Variants in CFAP54 observed in about 807,000 individuals in gnomAD.
CFAP54 encodes cilia and flagella associated protein 54.
In CFAP54, 290 loss-of-function variants were observed where a neutral mutation model predicts 370.4. That is an observed-to-expected ratio of 0.78 (90% CI 0.71 to 0.86). The LOEUF is 0.86. Ranked by LOEUF, CFAP54 falls within the 40% of genes least tolerant of loss-of-function variation. CFAP54 has a pLI of 0.00. For synonymous variants in CFAP54, 1,206 were observed against 1,236.5 expected, an observed-to-expected ratio of 0.98 and a Z score of 0.52; for missense variants, 3,399 against 3,528.7, an observed-to-expected ratio of 0.96 and a Z score of 0.93.
chr12:96,789,121 G>A (rs1226684462), intron 62 of CFAP54, among the ~76,000 whole-genome samples: 2 of 152,202 alleles, frequency 1.3e-5, no homozygotes, highest in Non-Finnish European at 2.9e-5. Flanking sequence ...ATATTATTGG[G>A]TCATTTCAGG....
intron 67 of CFAP54, among the ~76,000 whole-genome samples, chr12:96,871,510 A>T (rs1960166044): frequency 1.3e-5 from 2 of 152,258 alleles, no homozygotes; most frequent in South Asian, 4.1e-4. Context: ...ATAATTAAAA[A>T]TTACTTTATA....
At chr12:96,550,774 A>G (rs560021327) in intron 15 of CFAP54, among the ~76,000 whole-genome samples, 1 of 152,300 alleles carries the variant, frequency 6.6e-6, no homozygotes, top group Admixed American at 6.5e-5. Flanking sequence ...AAGGGAACTG[A>G]AAACTAGCAT....
chr12:96,729,038 G>A (rs577173681), intron 50 of CFAP54, among the ~76,000 whole-genome samples: 1 of 152,284 alleles, frequency 6.6e-6, no homozygotes, highest in Non-Finnish European at 1.5e-5. Flanking sequence ...TCTTCTGGAA[G>A]TTTTGTCTCA....
chr12:96,569,589 G>T (rs550583599), intron 19 of CFAP54, among the ~76,000 whole-genome samples: 19 of 152,244 alleles, frequency 1.2e-4, no homozygotes, highest in Admixed American at 3.3e-4. Flanking sequence ...AAACCCAGTT[G>T]TTTCATCTGG....
chr12:96,576,738 G>T lies in CFAP54; in HGVS notation c.2773G>T (p.Ala925Ser). 6.5e-7 allele frequency: 1 copy of T among 1,535,002 alleles called. No homozygotes were observed. Among genetic ancestry groups the T allele is most frequent in the Non-Finnish European group, 8.7e-7 (1 of 1,146,434 alleles). ...RTHCSVTLKP[A>S]PFTSEVKVSW... ...TCATTGTTCTGTGACACTCAAACCT[G>T]CTCCATTTACTTCAGAGGTTAAGGT... Residue 925 changes from alanine (A) to serine (S), a missense_variant, in exon 20 of 68, where the codon GCT (alanine) becomes TCT (serine). Coordinates refer to ENST00000524981, the MANE Select transcript of CFAP54 (RefSeq NM_001306084.2).
chr12:96,754,537 C>A (rs1958228336), intron 56 of CFAP54, among the ~76,000 whole-genome samples: 1 of 152,196 alleles, frequency 6.6e-6, no homozygotes, highest in South Asian at 2.1e-4. Flanking sequence ...ACAAATCCTG[C>A]TTGATGATGA....
chr12:96,599,595 C>A (rs1956218229), intron 26 of CFAP54, among the ~76,000 whole-genome samples: 1 of 152,192 alleles, frequency 6.6e-6, no homozygotes, highest in African/African-American at 2.4e-5. Context: ...CTGTCTTCCA[C>A]AATGGTTGAA....
At chr12:96,781,871 A>G (rs1395953030) in intron 60 of CFAP54, among the ~76,000 whole-genome samples, 2 of 152,130 alleles carry the variant, frequency 1.3e-5, no homozygotes, top group East Asian at 3.8e-4. Flanking sequence ...TAAGAGTTGG[A>G]ACTAACTATT....
chr12:96,762,344 G>A (rs147725818), intron 58 of CFAP54, among the ~76,000 whole-genome samples: 8 of 152,186 alleles, frequency 5.3e-5, no homozygotes, highest in African/African-American at 1.9e-4. Flanking sequence ...TCTACATATA[G>A]GATCATGTCT....
At position 96,806,202 on chromosome 12, in the gene CFAP54, AT is replaced by A. The variant is rs1565984917; in HGVS notation, c.8851-5533del. ...TATATATATATATATATATATATAT[AT>A]ATATATATATAATAACAACATAAAA... On this transcript the variant is annotated intron_variant, in intron 63 of 67. Transcript: ENST00000524981. Among the ~76,000 whole-genome samples, 453 of 86,912 alleles carry A rather than the reference AT, an allele frequency of 5.2e-3. 26 individuals are homozygous for A. The highest frequency in any genetic ancestry group is 0.016 in the African/African-American group (366 of 23,356). The allele number at this position is 86,912 out of a possible 152,430, so 57.0% of individuals were successfully genotyped here. A position where few individuals can be genotyped will look rare whatever the true frequency, so the allele number is the denominator to read the frequency against.
chr12:96,495,286 TTCCTTCTTTCCTTCCTTCC>T, intron 1 of CFAP54, among the ~76,000 whole-genome samples: 1 of 147,730 alleles, frequency 6.8e-6, no homozygotes, highest in Non-Finnish European at 1.5e-5. Context: ...CCTTCCTTCC[TTCCTTCTTTCCTTCCTTCC>T]TTCCTTCCTT....
chr12:96,773,476 CATTTTT>C (rs1337925866), intron 60 of CFAP54, among the ~76,000 whole-genome samples: 1 of 152,192 alleles, frequency 6.6e-6, no homozygotes, highest in African/African-American at 2.4e-5. Flanking sequence ...TGGGAAGTGT[CATTTTT>C]ATCTTCATAA....
chr12:96,612,869 A>G (rs550378240), intron 26 of CFAP54, among the ~76,000 whole-genome samples: 1 of 152,362 alleles, frequency 6.6e-6, no homozygotes, highest in Non-Finnish European at 1.5e-5. Flanking sequence ...AGATTCGTAA[A>G]GCAAGTCCTT....
At chr12:96,780,646 T>C (rs962849032) in intron 60 of CFAP54, among the ~76,000 whole-genome samples, 9 of 152,066 alleles carry the variant, frequency 5.9e-5, no homozygotes, top group African/African-American at 1.9e-4. Flanking sequence ...CAGCGATCAG[T>C]TCAAGTTGAA....
chr12:96,841,219 A>G (rs1000240827), intron 66 of CFAP54, among the ~76,000 whole-genome samples: 1 of 152,226 alleles, frequency 6.6e-6, no homozygotes, highest in Non-Finnish European at 1.5e-5. Flanking sequence ...TTGATAAACC[A>G]AGTCTGGCCT....
At chr12:96,499,188 G>T (rs1954994275) in intron 1 of CFAP54, among the ~76,000 whole-genome samples, 1 of 152,016 alleles carries the variant, frequency 6.6e-6, no homozygotes, top group African/African-American at 2.4e-5. Flanking sequence ...ATGTTGGACA[G>T]GCTGGTCTCA....
chr12:96,595,866 C>A (rs1382879452), intron 25 of CFAP54, among the ~76,000 whole-genome samples: 2 of 152,044 alleles, frequency 1.3e-5, no homozygotes, highest in Non-Finnish European at 2.9e-5. Flanking sequence ...TCCCAGCCTC[C>A]CCCAGATATT....
At chr12:96,746,384 C>A (rs1958114596) in intron 55 of CFAP54, among the ~76,000 whole-genome samples, 1 of 152,098 alleles carries the variant, frequency 6.6e-6, no homozygotes, top group African/African-American at 2.4e-5. Flanking sequence ...CCCCTCACCC[C>A]ACTTCATTCT....
chr12:96,755,284 TGTG>T (rs1273142947), intron 56 of CFAP54, among the ~76,000 whole-genome samples: 2 of 152,238 alleles, frequency 1.3e-5, no homozygotes, highest in Non-Finnish European at 2.9e-5. Flanking sequence ...ATGTATATAT[TGTG>T]GCATGATTAA....
Sources: gnomAD v4.1 joint callset for allele counts (sites outside exome capture counted in the v4.1 genomes callset) on GRCh38, gnomAD v4.1.1 for gene constraint, MANE v1.5 for transcripts, NCBI Gene and HGNC (gene_info 2026-07-23, HGNC 2026-07-21) for gene names.